The following PAK2 variants were observed in gnomAD, a reference collection of about 807,000 sequenced individuals.
PAK2 encodes serine/threonine-protein kinase PAK 2.
A neutral mutation model predicts 65.9 loss-of-function variants in PAK2; 21 were observed. That is an observed-to-expected ratio of 0.32 (90% confidence interval 0.23 to 0.46). The LOEUF is 0.46. Among genes scored for constraint, PAK2 ranks in the 20% least tolerant of loss-of-function variants. PAK2 has a pLI of 1.00. For synonymous variants in PAK2, 204 were observed against 219.7 expected, an observed-to-expected ratio of 0.93 and a Z score of 0.63; for missense variants, 324 against 642.6, an observed-to-expected ratio of 0.50 and a Z score of 5.36.
At chr3:196,807,445 T>A (rs1715623399) in intron 6 of PAK2, among the ~76,000 whole-genome samples, 1 of 152,244 alleles carries the variant, frequency 6.6e-6, no homozygotes. Flanking sequence ...TTTTGCATTT[T>A]ACTTACCATT....
At chr3:196,826,987 T>C (rs1224334613) in intron 13 of PAK2, among the ~76,000 whole-genome samples, 2 of 152,030 alleles carry the variant, frequency 1.3e-5, no homozygotes, top group African/African-American at 4.8e-5. Flanking sequence ...CAAAGGTGAA[T>C]CTGATTTCAG....
intron 3 of PAK2, 89 bp downstream of exon 3, chr3:196,802,116 A>G: frequency 2.5e-6 from 2 of 789,758 alleles, no homozygotes; most frequent in East Asian, 2.6e-5. Flanking sequence ...TTAACATTTC[A>G]GGCCAGGTGC....
intron 1 of PAK2, among the ~76,000 whole-genome samples, chr3:196,781,655 G>A (rs1714718620): frequency 2.0e-5 from 3 of 152,240 alleles, no homozygotes; most frequent in African/African-American, 4.8e-5. Flanking sequence ...ACCAAATACT[G>A]TATCAGCAGT....
chr3:196,824,165 C>G (rs1177582833), intron 13 of PAK2, among the ~76,000 whole-genome samples: 1 of 152,182 alleles, frequency 6.6e-6, no homozygotes, highest in Non-Finnish European at 1.5e-5. Flanking sequence ...ATCATTAAGA[C>G]TGTCCCAGGA....
chr3:196,822,089 A>T (rs1711674258), intron 13 of PAK2, among the ~76,000 whole-genome samples: 3 of 152,190 alleles, frequency 2.0e-5, no homozygotes, highest in African/African-American at 7.2e-5. Flanking sequence ...CAAAGATTCC[A>T]GTTTATGTGG....
intron 13 of PAK2, among the ~76,000 whole-genome samples, chr3:196,823,811 CAAAA>C (rs1004879720): frequency 1.4e-4 from 11 of 76,994 alleles, no homozygotes; most frequent in African/African-American, 3.5e-4. Context: ...GATTCTGTCG[CAAAA>C]AAAAAAAAAA....
chr3:196,805,444 C>G (rs1715555457), intron 5 of PAK2, 61 bp downstream of exon 5: 1 of 813,672 alleles, frequency 1.2e-6, no homozygotes, highest in Non-Finnish European at 2.0e-6. Flanking sequence ...CAAGACAAAT[C>G]TCAGTTTTTA....
chr3:196,829,405 A>AC lies in PAK2; in HGVS notation c.*1005dup, dbSNP rs1351694815. The AC allele has an allele frequency of 1.3e-5, 2 of 152,416 alleles. No individual in the cohort carries two copies. The highest frequency in any genetic ancestry group is 2.1e-4 in the South Asian group (1 of 4,822). 9.4% of individuals were successfully genotyped at this position (152,416 alleles called of 1,614,324 possible). On this transcript the variant is annotated 3_prime_UTR_variant, in exon 15 of 15. Transcript: ENST00000327134. ...ATTAATCCTCTCTCACCTCACAGAT[A>AC]CCCCCTCCCATGGCAAATAATATAA... is the stretch of plus-strand genomic sequence containing the variant.
intron 11 of PAK2, among the ~76,000 whole-genome samples, chr3:196,815,796 AAG>A (rs1491332604): frequency 5.3e-5 from 8 of 152,102 alleles, no homozygotes; most frequent in African/African-American, 1.9e-4. Context: ...AAAAAAAAAA[AAG>A]AGAAAGAAAT....
intron 1 of PAK2, among the ~76,000 whole-genome samples, chr3:196,754,412 A>G (rs1713703994): frequency 6.6e-6 from 1 of 152,072 alleles, no homozygotes; most frequent in Non-Finnish European, 1.5e-5. Flanking sequence ...TGGAGTTCTG[A>G]TGAAACCGCT....
chr3:196,779,074 A>G (rs1714627557), intron 1 of PAK2, among the ~76,000 whole-genome samples: 2 of 152,208 alleles, frequency 1.3e-5, no homozygotes, highest in African/African-American at 4.8e-5. Flanking sequence ...GTGAGTCACT[A>G]AGTCCTGCCT....
intron 7 of PAK2, among the ~76,000 whole-genome samples, chr3:196,809,468 C>T (rs761643307): frequency 1.8e-4 from 27 of 149,534 alleles, no homozygotes; most frequent in Admixed American, 4.0e-4. Flanking sequence ...CTCAGCCTCC[C>T]GAGTAGCTGG....
At position 196,811,348 on chromosome 3, in the gene PAK2, T is replaced by TC. The variant is rs1357751832; in HGVS notation, c.773+697dup. ...CTTCCCTTCCCTCCCTTCCCTCCCT[T>TC]CCTTCCCTCCCTTCCCTTCCTTCTC... On this transcript the variant is annotated intron_variant, in intron 8 of 14. Coordinates refer to ENST00000327134, the MANE Select transcript of PAK2 (RefSeq NM_002577.4). Among the ~76,000 whole-genome samples, 20 of 91,940 alleles carry TC rather than the reference T, an allele frequency of 2.2e-4. 2 individuals are homozygous for TC. The highest frequency in any genetic ancestry group is 6.0e-4 in the Admixed American group (4 of 6,626). The allele number at this position is 91,940 out of a possible 152,430, so 60.3% of individuals were successfully genotyped here.
intron 1 of PAK2, among the ~76,000 whole-genome samples, chr3:196,771,833 CAG>C (rs1491208282): frequency 6.6e-6 from 1 of 152,236 alleles, no homozygotes; most frequent in African/African-American, 2.4e-5. Context: ...GCTGGGATTA[CAG>C]GCGTGAGCTA....
intron 12 of PAK2, 34 bp downstream of exon 12, chr3:196,818,190 T>G: frequency 1.2e-6 from 1 of 827,992 alleles, no homozygotes; most frequent in Non-Finnish European, 2.1e-6. Flanking sequence ...CAATCATTTA[T>G]TATAATTTTC....
chr3:196,749,045 G>T (rs1349432817), intron 1 of PAK2, among the ~76,000 whole-genome samples: 8 of 151,706 alleles, frequency 5.3e-5, no homozygotes, highest in Non-Finnish European at 8.8e-5. Flanking sequence ...TTATCCTCAA[G>T]CTTCATCTGT....
rs139370860 is a variant in PAK2 at position 196,806,101 on chromosome 3, C to T, written c.469-478C>T. 5.6e-3 allele frequency among the ~76,000 whole-genome samples: 854 copies of T among 151,722 alleles called. 5 individuals are homozygous for T. Among genetic ancestry groups the T allele is most frequent in the African/African-American group, 0.011 (451 of 41,394 alleles). On this transcript the variant is annotated intron_variant, in intron 5 of 14. Transcript: ENST00000327134. ...TAATTTTTTGTGTTTTTAGTAGAGA[C>T]GGGGTTTTACCGTGTTAGCCAGGAT...
At chr3:196,803,331 A>G (rs1200525773) in intron 4 of PAK2, among the ~76,000 whole-genome samples, 167 bp downstream of exon 4, 1 of 152,234 alleles carries the variant, frequency 6.6e-6, no homozygotes, top group Admixed American at 6.5e-5. Context: ...GTTCTGAAGC[A>G]TAATTTGGAT....
In PAK2 at chr3:196,783,858, A is replaced by G. The variant is rs564584821; in HGVS notation, c.187+1025A>G. Among the ~76,000 whole-genome samples, 24 of 152,254 alleles carry G rather than the reference A, an allele frequency of 1.6e-4. 1 individual carries two copies. The South Asian group carries it at 2.3e-3, about 14-fold the overall frequency. On this transcript the variant is annotated intron_variant, in intron 2 of 14. Transcript: ENST00000327134. ...CATTTTTTCCACATACTTTTCACTC[A>G]GCTTTATGCTTTTGAGACTTGTTGA...
Sources: allele counts gnomAD v4.1 joint callset (sites outside exome capture counted in the v4.1 genomes callset), GRCh38; gene constraint gnomAD v4.1.1; transcripts MANE v1.5; gene names NCBI Gene and HGNC (gene_info 2026-07-23, HGNC 2026-07-21).